TENM3: variants seen among roughly 807,000 people sequenced by gnomAD.
The protein encoded by TENM3 is teneurin transmembrane protein 3, also known as teneurin-3.
Under a neutral mutation model 255.1 loss-of-function variants are expected in TENM3, and 63 were observed. That is an observed-to-expected ratio of 0.25 (90% CI 0.20 to 0.30). TENM3 has a LOEUF of 0.30. Among genes scored for constraint, TENM3 ranks in the 10% least tolerant of loss-of-function variants. TENM3 has a pLI of 1.00. For missense variants in TENM3, 2,929 were observed against 3,461.1 expected (o/e 0.85, Z 3.86); for synonymous variants, 1,306 against 1,322.3 (o/e 0.99, Z 0.27).
chr4:181,783,716 C>T, the TENM3 span, among the ~76,000 whole-genome samples: 1 of 152,132 alleles, frequency 6.6e-6, no homozygotes, highest in Non-Finnish European at 1.5e-5. Flanking sequence ...TTTTTAGAGA[C>T]AGGGCCTCCC....
intron 3 of TENM3, among the ~76,000 whole-genome samples, chr4:182,557,730 C>G (rs1399575394): frequency 6.6e-6 from 1 of 152,124 alleles, no homozygotes; most frequent in Non-Finnish European, 1.5e-5. Context: ...TGTGCTCTCT[C>G]CCCCAGCCTC....
At chr4:181,636,524 T>G in the TENM3 span, among the ~76,000 whole-genome samples, 1 of 152,184 alleles carries the variant, frequency 6.6e-6, no homozygotes, top group African/African-American at 2.4e-5. Context: ...AGCTGATCTT[T>G]GACACACAAA....
chr4:182,286,683 T>G lies in TENM3; in HGVS notation c.-75-37263T>G, dbSNP rs569522608. 2.6e-5 allele frequency among the ~76,000 whole-genome samples: 4 copies of G among 152,262 alleles called. No homozygotes were observed. The South Asian group carries it at 8.3e-4, about 32-fold the overall frequency. ...CTCTCAATCCTTCTTTGTCCTCAGC[T>G]TTGGTCCCTTGTGGTAAATTCCAGG... On this transcript the variant is annotated intron_variant, in intron 1 of 27. Transcript: ENST00000511685.
the TENM3 span, among the ~76,000 whole-genome samples, chr4:181,853,863 T>C: frequency 1.3e-5 from 2 of 152,214 alleles, no homozygotes; most frequent in African/African-American, 4.8e-5. Flanking sequence ...TGAACGATCT[T>C]GATAAGGGAG....
intron 1 of TENM3, among the ~76,000 whole-genome samples, chr4:182,189,378 C>T (rs770573391): frequency 6.6e-6 from 1 of 151,964 alleles, no homozygotes; most frequent in Non-Finnish European, 1.5e-5. Flanking sequence ...AATGAGTGGA[C>T]GATTTTCACT....
chr4:181,648,786 G>A, the TENM3 span, among the ~76,000 whole-genome samples: 1 of 152,012 alleles, frequency 6.6e-6, no homozygotes, highest in South Asian at 2.1e-4. Flanking sequence ...ATAACCTCTG[G>A]GTGTGTTACC....
At chr4:182,417,104 G>C (rs1173962017) in intron 3 of TENM3, among the ~76,000 whole-genome samples, 1 of 152,034 alleles carries the variant, frequency 6.6e-6, no homozygotes, top group Non-Finnish European at 1.5e-5. Context: ...CTCCCGAGTA[G>C]CTGGGATTAC....
chr4:181,819,313 A>C, the TENM3 span, among the ~76,000 whole-genome samples: 1 of 152,318 alleles, frequency 6.6e-6, no homozygotes, highest in Non-Finnish European at 1.5e-5. Context: ...ATGCCACATG[A>C]ATAAATAAAA....
chr4:182,500,970 GGA>G (rs1736258267), intron 3 of TENM3, among the ~76,000 whole-genome samples: 1 of 152,026 alleles, frequency 6.6e-6, no homozygotes, highest in Non-Finnish European at 1.5e-5. Flanking sequence ...ATTTCTGGGT[GGA>G]GAGAGTTGGA....
chr4:181,570,645 A>AAG, the TENM3 span, among the ~76,000 whole-genome samples: 1 of 140,778 alleles, frequency 7.1e-6, no homozygotes, highest in Admixed American at 7.2e-5. Context: ...AGAGAGAGAG[A>AAG]GAAAGAAGGA....
the TENM3 span, among the ~76,000 whole-genome samples, chr4:181,767,108 A>T: frequency 8.1e-5 from 11 of 135,332 alleles, no homozygotes; most frequent in East Asian, 2.3e-4. Flanking sequence ...AAAAATTAGC[A>T]GGGCGTGGTG....
At chr4:182,314,331 G>T (rs1353633913) in intron 1 of TENM3, among the ~76,000 whole-genome samples, 1 of 152,040 alleles carries the variant, frequency 6.6e-6, no homozygotes, top group Non-Finnish European at 1.5e-5. Context: ...GGGGCTACGT[G>T]TTGTGTATTC....
At chr4:182,628,377 A>G (rs1370002372) in intron 4 of TENM3, among the ~76,000 whole-genome samples, 2 of 152,198 alleles carry the variant, frequency 1.3e-5, no homozygotes, top group Non-Finnish European at 2.9e-5. Flanking sequence ...CAAGATGTCT[A>G]CTTGAAGGGA....
At chr4:181,839,509 A>G in the TENM3 span, among the ~76,000 whole-genome samples, 4 of 147,894 alleles carry the variant, frequency 2.7e-5, no homozygotes, top group African/African-American at 9.8e-5. Context: ...TACATATGAT[A>G]TATACTATTA....
chr4:181,882,585 T>G, the TENM3 span, among the ~76,000 whole-genome samples: 2 of 152,220 alleles, frequency 1.3e-5, no homozygotes, highest in African/African-American at 4.8e-5. Flanking sequence ...ACCCTGACTT[T>G]GACCCTCGTT....
intron 3 of TENM3, among the ~76,000 whole-genome samples, chr4:182,358,612 T>C (rs1370993261): frequency 6.6e-6 from 1 of 151,812 alleles, no homozygotes; most frequent in African/African-American, 2.4e-5. Context: ...CTTAAGGAGA[T>C]TTTGGGCTGA....
the TENM3 span, among the ~76,000 whole-genome samples, chr4:181,598,285 A>G: frequency 6.6e-6 from 1 of 152,196 alleles, no homozygotes; most frequent in Non-Finnish European, 1.5e-5. Flanking sequence ...AAGCAGCTTC[A>G]TAGTCACAGT....
intron 1 of TENM3, among the ~76,000 whole-genome samples, chr4:182,161,877 A>G (rs1751337632): frequency 1.9e-5 from 2 of 104,600 alleles, no homozygotes; most frequent in Non-Finnish European, 3.8e-5. Flanking sequence ...ATATGTGTAT[A>G]TATATACACA....
the TENM3 span, among the ~76,000 whole-genome samples, chr4:181,713,857 T>C: frequency 6.6e-6 from 1 of 152,200 alleles, no homozygotes; most frequent in Admixed American, 6.5e-5. Flanking sequence ...TTCTAAATGC[T>C]TACGGTGATC....
Sources: allele counts gnomAD v4.1 joint callset (sites outside exome capture counted in the v4.1 genomes callset), GRCh38; gene constraint gnomAD v4.1.1; transcripts MANE v1.5; gene names NCBI Gene and HGNC (gene_info 2026-07-23, HGNC 2026-07-21).